Variants in FBXL4 observed in about 807,000 individuals in gnomAD.
The protein encoded by FBXL4 is F-box/LRR-repeat protein 4.
In FBXL4, 40 loss-of-function variants were observed where a neutral mutation model predicts 58.9. That is an observed-to-expected ratio of 0.68 (90% CI 0.53 to 0.88). The LOEUF (loss-of-function observed/expected upper bound fraction) is 0.88. FBXL4 is among the 40% of genes least tolerant of loss of function. FBXL4 has a pLI of 0.00. For missense variants in FBXL4, 676 were observed against 734.4 expected, an observed-to-expected ratio of 0.92 and a Z score of 0.92; for synonymous variants, 263 against 265.5, an observed-to-expected ratio of 0.99 and a Z score of 0.09.
chr6:98,872,792 T>C lies in FBXL4; in HGVS notation c.*1486A>G, dbSNP rs1770527844. ...GCTTCAGAAGCCAGATGGCCTGGGT[T>C]TATATGTTGGCTCTGCCACTAGCAG... On this transcript the variant is annotated 3_prime_UTR_variant, in exon 10 of 10. Transcript: ENST00000369244. The C allele has an allele frequency of 6.6e-6, 1 of 152,176 alleles. No individual in the cohort carries two copies. The highest frequency in any genetic ancestry group is 2.4e-5 in the African/African-American group (1 of 41,440). The allele number at this position is 152,176 out of a possible 1,614,324, so 9.4% of individuals were successfully genotyped here.
chr6:98,896,352 C>A lies in FBXL4; in HGVS notation c.1317+2916G>T, dbSNP rs151144483. ...AGGTGTTTACAGATTGCCATGAATA[C>A]TAGTGCTGTAGCTTCTGTTTGTTTT... On this transcript the variant is annotated intron_variant, in intron 7 of 9. Transcript: ENST00000369244. 2.4e-3 allele frequency among the ~76,000 whole-genome samples: 363 copies of A among 152,284 alleles called. 1 individual carries two copies. The highest frequency in any genetic ancestry group is 6.6e-3 in the African/African-American group (275 of 41,566).
chr6:98,883,875 T>C (rs1770938393), intron 7 of FBXL4, among the ~76,000 whole-genome samples: 1 of 151,602 alleles, frequency 6.6e-6, no homozygotes, highest in Non-Finnish European at 1.5e-5. Context: ...GTTGGCCCTT[T>C]GCTCTTTCAT....
At chr6:98,900,952 C>G (rs985169166) in intron 6 of FBXL4, among the ~76,000 whole-genome samples, 1 of 152,172 alleles carries the variant, frequency 6.6e-6, no homozygotes, top group Non-Finnish European at 1.5e-5. Flanking sequence ...ATTAGCTAAA[C>G]TGCAGTCTAC....
In FBXL4 at chr6:98,926,914, T is replaced by C; in HGVS notation, c.75A>G (p.Thr25=). 1 of 1,614,186 alleles carries C rather than the reference T, an allele frequency of 6.2e-7. No homozygotes were observed. Among genetic ancestry groups the C allele is most frequent in the Non-Finnish European group, 8.5e-7 (1 of 1,180,020 alleles). Residue 25 remains threonine, a synonymous_variant, in exon 4 of 10, where the codon ACA becomes ACG. Coordinates refer to ENST00000369244, the MANE Select transcript of FBXL4 (RefSeq NM_001278716.2). ...YYICLRRRAR[T]ATRGEMMNTH... ...TGTTCATCATTTCTCCTCTTGTAGC[T>C]GTCCTGGCTCGGCGCCGAAGGCATA...
chr6:98,914,225 T>C (rs957517412), intron 5 of FBXL4, among the ~76,000 whole-genome samples: 1 of 152,164 alleles, frequency 6.6e-6, no homozygotes, highest in Non-Finnish European at 1.5e-5. Context: ...ACAGCCGAAT[T>C]TTATCAGAGG....
In FBXL4 at chr6:98,881,449, T is replaced by A. The variant is rs147879515; in HGVS notation, c.1318-825A>T. ...CTATTCAAACTTACATGGCAAAATA[T>A]CTTATACATTTTTAAATATATTTAA... On this transcript the variant is annotated intron_variant, in intron 7 of 9. Coordinates refer to ENST00000369244, the MANE Select transcript of FBXL4 (RefSeq NM_001278716.2). 6.3e-4 allele frequency among the ~76,000 whole-genome samples: 96 copies of A among 152,200 alleles called. No individual in the cohort carries two copies. In the East Asian group the frequency reaches 0.018, roughly 28 times the overall value.
At chr6:98,875,384 T>C (rs78865887) in intron 9 of FBXL4, 31 bp downstream of exon 9, 43,393 of 1,606,760 alleles carry the variant, frequency 0.027, 684 homozygotes, top group Non-Finnish European at 0.032. Context: ...GAAACAGACA[T>C]TTAAAACAAA....
intron 1 of FBXL4, among the ~76,000 whole-genome samples, chr6:98,944,638 T>C (rs771427979): frequency 2.0e-5 from 3 of 152,190 alleles, no homozygotes; most frequent in African/African-American, 7.2e-5. Context: ...GGTGTTTATA[T>C]AGCAAATAGC....
chr6:98,918,767 C>G lies in FBXL4; in HGVS notation c.513-1048G>C, dbSNP rs190879672. Among the ~76,000 whole-genome samples the G allele has an allele frequency of 1.9e-3, 290 of 152,022 alleles. 1 individual carries two copies. The Middle Eastern group carries it at 0.021, about 11-fold the overall frequency. On this transcript the variant is annotated intron_variant, in intron 4 of 9. Coordinates refer to ENST00000369244, the MANE Select transcript of FBXL4 (RefSeq NM_001278716.2). The stretch of plus-strand genomic sequence containing the variant: ...TCAAAGAATAAGAATATTTTTAAGT[C>G]TCTCAATACACACTACAAATTGCTT...
At position 98,875,398 on chromosome 6, in the gene FBXL4, A is replaced by G; in HGVS notation, c.1702+17T>C. 5 of 1,610,688 alleles carry G rather than the reference A, an allele frequency of 3.1e-6. No individual in the cohort carries two copies. The highest frequency in any genetic ancestry group is 4.2e-6 in the Non-Finnish European group (5 of 1,177,114). ...GGAAACAGACATTTAAAACAAATTT[A>G]TATATTGTAACCTTACCTAATATGT... is the stretch of plus-strand genomic sequence containing the variant. On this transcript the variant is annotated intron_variant, in intron 9 of 9. Coordinates refer to ENST00000369244, the MANE Select transcript of FBXL4 (RefSeq NM_001278716.2).
intron 6 of FBXL4, among the ~76,000 whole-genome samples, chr6:98,902,554 C>T (rs1193214523): frequency 6.6e-6 from 1 of 151,908 alleles, no homozygotes; most frequent in Non-Finnish European, 1.5e-5. Context: ...ATAAAGTTCT[C>T]GAATCTAGAA....
At chr6:98,913,651 G>C (rs1194939668) in intron 5 of FBXL4, among the ~76,000 whole-genome samples, 1 of 152,198 alleles carries the variant, frequency 6.6e-6, no homozygotes, top group Non-Finnish European at 1.5e-5. Context: ...GAATCTCTGG[G>C]ATGCATTCAA....
chr6:98,924,776 C>T (rs1772712489), intron 4 of FBXL4, among the ~76,000 whole-genome samples: 1 of 152,164 alleles, frequency 6.6e-6, no homozygotes, highest in Non-Finnish European at 1.5e-5. Context: ...TGGAAGTATT[C>T]CCTTAGAGAT....
chr6:98,890,643 G>A (rs1207043423), intron 7 of FBXL4, among the ~76,000 whole-genome samples: 1 of 152,140 alleles, frequency 6.6e-6, no homozygotes, highest in Non-Finnish European at 1.5e-5. Flanking sequence ...TGAAAGCCAG[G>A]TGCAGTAACT....
chr6:98,933,769 G>A (rs7742800), intron 2 of FBXL4, among the ~76,000 whole-genome samples: 10,947 of 152,078 alleles, frequency 0.072, 598 homozygotes, highest in East Asian at 0.28. Flanking sequence ...GTTGTTTTAC[G>A]GAGACTGGAA....
chr6:98,918,452 A>G (rs1303906925), intron 4 of FBXL4, among the ~76,000 whole-genome samples: 1 of 152,112 alleles, frequency 6.6e-6, no homozygotes, highest in Non-Finnish European at 1.5e-5. Context: ...CTTCCTCCCC[A>G]TGAAATGCCC....
At chr6:98,943,220 T>C (rs899383301) in intron 1 of FBXL4, among the ~76,000 whole-genome samples, 2 of 151,794 alleles carry the variant, frequency 1.3e-5, no homozygotes, top group African/African-American at 4.8e-5. Context: ...TACAACTGTA[T>C]ATGAATCTAC....
intron 4 of FBXL4, among the ~76,000 whole-genome samples, chr6:98,924,333 G>A (rs986794689): frequency 6.6e-6 from 1 of 152,148 alleles, no homozygotes; most frequent in Non-Finnish European, 1.5e-5. Flanking sequence ...GAGGCAGGCG[G>A]ATCACCTGAG....
intron 5 of FBXL4, among the ~76,000 whole-genome samples, chr6:98,911,564 C>A (rs1316405205): frequency 7.9e-5 from 12 of 152,188 alleles, no homozygotes; most frequent in African/African-American, 2.9e-4. Context: ...GACACCCAGG[C>A]AAACAGGGTC....
Sources: allele counts gnomAD v4.1 joint callset (sites outside exome capture counted in the v4.1 genomes callset), GRCh38; gene constraint gnomAD v4.1.1; transcripts MANE v1.5; gene names NCBI Gene and HGNC (gene_info 2026-07-23, HGNC 2026-07-21).